CPVL: variants seen among roughly 807,000 people sequenced by gnomAD.
CPVL encodes the protein probable serine carboxypeptidase CPVL.
In CPVL, 51 loss-of-function variants were observed where a neutral mutation model predicts 63.7. The ratio of observed to expected loss-of-function variants is 0.80; its 90% CI spans 0.64 to 1.01. The LOEUF (loss-of-function observed/expected upper bound fraction) is 1.01. Among genes scored for constraint, CPVL ranks in the 50% least tolerant of loss-of-function variants. CPVL has a pLI of 0.00. For missense variants in CPVL, 530 were observed against 573.1 expected, an observed-to-expected ratio of 0.92 and a Z score of 0.77; for synonymous variants, 195 against 206.0, an observed-to-expected ratio of 0.95 and a Z score of 0.46.
At chr7:29,093,642 T>G (rs529445958) in intron 5 of CPVL, among the ~76,000 whole-genome samples, 123 of 152,336 alleles carry the variant, frequency 8.1e-4, no homozygotes, top group African/African-American at 2.7e-3. Context: ...GAACTGCAAA[T>G]TCAAAAGAAG....
chr7:29,059,765 C>A (rs916606882), intron 11 of CPVL, among the ~76,000 whole-genome samples: 1 of 152,186 alleles, frequency 6.6e-6, no homozygotes, highest in East Asian at 1.9e-4. Context: ...AACTCTCAGA[C>A]TTGTCCCTAT....
chr7:29,098,058 G>A (rs1786625560), intron 3 of CPVL, among the ~76,000 whole-genome samples: 2 of 152,144 alleles, frequency 1.3e-5, no homozygotes, highest in South Asian at 2.1e-4. Flanking sequence ...CTCGTTGGAT[G>A]GTTAGTCAGC....
chr7:29,109,637 T>G (rs886488723), intron 3 of CPVL, among the ~76,000 whole-genome samples: 1 of 152,160 alleles, frequency 6.6e-6, no homozygotes, highest in Non-Finnish European at 1.5e-5. Flanking sequence ...GGCTGCCACA[T>G]GGTGGTACCC....
intron 1 of CPVL, among the ~76,000 whole-genome samples, chr7:29,134,391 C>T (rs974219917): frequency 4.6e-5 from 7 of 152,204 alleles, no homozygotes; most frequent in African/African-American, 1.7e-4. Flanking sequence ...TAGTTTCTCA[C>T]ACTTAATATG....
At chr7:29,017,127 C>T (rs1405138089) in intron 12 of CPVL, among the ~76,000 whole-genome samples, 1 of 152,220 alleles carries the variant, frequency 6.6e-6, no homozygotes, top group Non-Finnish European at 1.5e-5. Context: ...ACCTCTCACT[C>T]TCCAAGCTGC....
At chr7:29,076,323 T>C (rs1158765540) in intron 7 of CPVL, among the ~76,000 whole-genome samples, 1 of 152,182 alleles carries the variant, frequency 6.6e-6, no homozygotes, top group Admixed American at 6.5e-5. Flanking sequence ...TGTTCGCCAG[T>C]GTGGGCAGCA....
chr7:29,010,851 C>A (rs951021331), intron 12 of CPVL: 1 of 152,134 alleles, frequency 6.6e-6, no homozygotes, highest in African/African-American at 2.4e-5. Flanking sequence ...TAATAATGAA[C>A]CCTCCTGTGA....
chr7:29,041,311 A>C (rs745897788), intron 11 of CPVL, among the ~76,000 whole-genome samples: 102 of 151,968 alleles, frequency 6.7e-4, no homozygotes, highest in Non-Finnish European at 1.2e-3. Flanking sequence ...ACCGGACCTC[A>C]AGTGATCCAC....
Position 29,129,875 on chromosome 7 carries a change from G to C in CPVL, c.-10-8804C>G, listed in dbSNP as rs544700342. ...ATAACTCGTGTCCTTATAATAAGAG[G>C]AGGGAACTTTAGAGGAGAATGCCAT... On this transcript the variant is annotated intron_variant, in intron 1 of 12. Coordinates refer to ENST00000265394, the MANE Select transcript of CPVL (RefSeq NM_031311.5). 1.2e-3 allele frequency among the ~76,000 whole-genome samples: 177 copies of C among 152,248 alleles called. 2 individuals carry two copies. Among genetic ancestry groups the C allele is most frequent in the Non-Finnish European group, 1.8e-3 (124 of 68,028 alleles).
intron 2 of CPVL, among the ~76,000 whole-genome samples, chr7:29,117,047 A>G (rs1788844133): frequency 1.3e-5 from 2 of 152,220 alleles, no homozygotes; most frequent in South Asian, 4.1e-4. Flanking sequence ...ATCCTTAATT[A>G]TGTTGTCAGG....
At chr7:29,006,910 T>C (rs1326055495) in intron 12 of CPVL, among the ~76,000 whole-genome samples, 1 of 49,474 alleles carries the variant, frequency 2.0e-5, no homozygotes, top group Non-Finnish European at 3.9e-5. Context: ...TTCCGCCTTA[T>C]TTGTTTATTT....
rs148717260 is a variant in CPVL, at chr7:29,073,281, C to T, written c.610-858G>A. ...TCTTTGTCTCGTATTCCACAGAAGT[C>T]AATCAGCCAAGCTTGTCAGCTCTAC... On this transcript the variant is annotated intron_variant, in intron 7 of 12. Transcript: ENST00000265394. Among the ~76,000 whole-genome samples, 118 of 152,292 alleles carry T rather than the reference C, an allele frequency of 7.7e-4. 3 individuals are homozygous for T. The East Asian group carries it at 0.022, about 28-fold the overall frequency.
intron 11 of CPVL, among the ~76,000 whole-genome samples, chr7:29,052,033 A>G (rs561647836): frequency 6.6e-5 from 10 of 152,060 alleles, no homozygotes; most frequent in African/African-American, 2.4e-4. Context: ...GAGACTATCA[A>G]GCGAAGTAAC....
chr7:29,031,674 T>A (rs967530544), intron 11 of CPVL, among the ~76,000 whole-genome samples: 2 of 152,112 alleles, frequency 1.3e-5, no homozygotes, highest in Non-Finnish European at 2.9e-5. Flanking sequence ...AAAGAAATTT[T>A]AAAAAATTAT....
Position 29,072,313 on chromosome 7 carries a change from A to G in CPVL, c.720T>C (p.Ser240=), listed in dbSNP as rs150628539. ...LNGIAIGDGY[S]DPESIIGGYA... Reference sequence around the variant, plus strand: ...AGGAGAAACCTACTGATTCGGGATCAGAATATCCATCTCCAATAGCAATTC... The same window carrying G: ...AGGAGAAACCTACTGATTCGGGATCGGAATATCCATCTCCAATAGCAATTC... Residue 240 remains serine (S), a synonymous_variant, in exon 8 of 13, where the codon TCT becomes TCC. Coordinates refer to ENST00000265394, the MANE Select transcript of CPVL (RefSeq NM_031311.5). 2 of 1,613,990 alleles carry G rather than the reference A, an allele frequency of 1.2e-6. No individual in the cohort carries two copies. The highest frequency in any genetic ancestry group is 2.7e-5 in the African/African-American group (2 of 74,928).
intron 5 of CPVL, among the ~76,000 whole-genome samples, chr7:29,168,764 T>A (rs1796235335): frequency 6.6e-6 from 1 of 152,250 alleles, no homozygotes; most frequent in African/African-American, 2.4e-5. Context: ...TATATTATGC[T>A]AAAAGCACTA....
At chr7:29,016,936 C>G (rs1203945753) in intron 12 of CPVL, among the ~76,000 whole-genome samples, 2 of 152,198 alleles carry the variant, frequency 1.3e-5, no homozygotes, top group African/African-American at 2.4e-5. Flanking sequence ...CCTTATATGA[C>G]TTCCTATTTC....
intron 7 of CPVL, among the ~76,000 whole-genome samples, chr7:29,073,026 G>A (rs1298426731): frequency 6.6e-6 from 1 of 152,154 alleles, no homozygotes; most frequent in Non-Finnish European, 1.5e-5. Context: ...AGACTGTGCT[G>A]GAAGAGCTAC....
chr7:29,138,969 A>T (rs1791556232), intron 1 of CPVL, among the ~76,000 whole-genome samples: 1 of 152,166 alleles, frequency 6.6e-6, no homozygotes, highest in African/African-American at 2.4e-5. Context: ...ACATAATGCT[A>T]ACACACCTAA....
Sources: gnomAD v4.1 joint callset for allele counts (sites outside exome capture counted in the v4.1 genomes callset) on GRCh38, gnomAD v4.1.1 for gene constraint, MANE v1.5 for transcripts, NCBI Gene and HGNC (gene_info 2026-07-23, HGNC 2026-07-21) for gene names.